The following C1orf21 variants were observed in gnomAD, a reference collection of about 807,000 sequenced individuals.
The protein encoded by C1orf21 is uncharacterized protein C1orf21.
C1orf21 carries 3 observed loss-of-function variants against 18.7 expected under a neutral mutation model. The ratio of observed to expected loss-of-function variants is 0.16; its 90% CI spans 0.07 to 0.42. C1orf21 has a LOEUF of 0.42. Among genes scored for constraint, C1orf21 ranks in the 10% least tolerant of loss-of-function variants. C1orf21 has a pLI of 0.99. For missense variants in C1orf21, 104 were observed against 143.6 expected (o/e 0.72, Z 1.41); for synonymous variants, 41 against 46.4 (o/e 0.88, Z 0.47).
intron 3 of C1orf21, among the ~76,000 whole-genome samples, chr1:184,577,476 A>C (rs554933090): frequency 6.6e-6 from 1 of 152,292 alleles, no homozygotes; most frequent in East Asian, 1.9e-4. Context: ...TTAAAGCAGC[A>C]GTAGGAAAAT....
chr1:184,480,277 A>G (rs75354939), intron 2 of C1orf21, among the ~76,000 whole-genome samples: 7,031 of 152,314 alleles, frequency 0.046, 265 homozygotes, highest in Non-Finnish European at 0.069. Flanking sequence ...CAAGAATAAT[A>G]AATATTCTAA....
intron 5 of C1orf21, among the ~76,000 whole-genome samples, chr1:184,607,405 A>G (rs1445781632): frequency 6.6e-6 from 1 of 152,206 alleles, no homozygotes; most frequent in Non-Finnish European, 1.5e-5. Flanking sequence ...ATAATATATA[A>G]AGAAGTAATA....
intron 1 of C1orf21, among the ~76,000 whole-genome samples, chr1:184,471,367 A>C (rs920956847): frequency 6.6e-6 from 1 of 152,188 alleles, no homozygotes; most frequent in African/African-American, 2.4e-5. Context: ...GAAAATTTTG[A>C]GGTTTCAGAC....
chr1:184,391,779 C>G (rs1655974174), intron 1 of C1orf21, among the ~76,000 whole-genome samples: 1 of 151,820 alleles, frequency 6.6e-6, no homozygotes, highest in Non-Finnish European at 1.5e-5. Flanking sequence ...GTGGTGCAAT[C>G]TCACTGCAAT....
At chr1:184,455,713 C>T (rs1161639671) in intron 1 of C1orf21, among the ~76,000 whole-genome samples, 3 of 152,176 alleles carry the variant, frequency 2.0e-5, no homozygotes, top group Non-Finnish European at 4.4e-5. Context: ...TCTAGAATGG[C>T]TCCTGGCACT....
At chr1:184,603,546 A>G (rs1004262160) in intron 5 of C1orf21, among the ~76,000 whole-genome samples, 4 of 152,198 alleles carry the variant, frequency 2.6e-5, no homozygotes, top group African/African-American at 4.8e-5. Context: ...TATAATCCCA[A>G]CACTTTGGGA....
At chr1:184,474,210 A>T (rs1657536908) in intron 1 of C1orf21, among the ~76,000 whole-genome samples, 2 of 152,222 alleles carry the variant, frequency 1.3e-5, no homozygotes, top group South Asian at 2.1e-4. Context: ...ATAATGTAGC[A>T]CATATGTTTC....
chr1:184,508,758 T>C (rs999466355), intron 3 of C1orf21, among the ~76,000 whole-genome samples: 2 of 152,120 alleles, frequency 1.3e-5, no homozygotes, highest in Non-Finnish European at 2.9e-5. Flanking sequence ...GATAATGAAG[T>C]TTTGCTTCAT....
At chr1:184,416,395 A>ATTAAT (rs142576867) in intron 1 of C1orf21, among the ~76,000 whole-genome samples, 26 of 152,248 alleles carry the variant, frequency 1.7e-4, no homozygotes, top group Middle Eastern at 3.4e-3. Flanking sequence ...GACAGAAATC[A>ATTAAT]TTAATTTAAT....
intron 2 of C1orf21, among the ~76,000 whole-genome samples, chr1:184,479,079 A>G (rs1226611599): frequency 1.3e-5 from 2 of 152,342 alleles, no homozygotes; most frequent in East Asian, 3.9e-4. Flanking sequence ...AAACTGTTGC[A>G]TTTTGTTCCA....
intron 2 of C1orf21, among the ~76,000 whole-genome samples, chr1:184,483,122 A>G (rs1485488983): frequency 6.6e-6 from 1 of 152,226 alleles, no homozygotes; most frequent in Non-Finnish European, 1.5e-5. Flanking sequence ...TTCAGAGGTC[A>G]GATCCACTTC....
Position 184,620,632 on chromosome 1 carries a change from C to G in C1orf21, c.*1076C>G, listed in dbSNP as rs1659902102. ...TTGCCACTTCCTTTTTCTCTTACTTCCAGCACACTAGACATAGCAAAAGTG... is the reference window on the plus strand; with the variant it reads ...TTGCCACTTCCTTTTTCTCTTACTTGCAGCACACTAGACATAGCAAAAGTG... On this transcript the variant is annotated 3_prime_UTR_variant, in exon 6 of 6. Coordinates refer to ENST00000235307, the MANE Select transcript of C1orf21 (RefSeq NM_030806.4). 1 of 152,598 alleles carries G rather than the reference C, an allele frequency of 6.6e-6. No homozygotes were observed. Among genetic ancestry groups the G allele is most frequent in the Non-Finnish European group, 1.5e-5 (1 of 68,026 alleles). The allele number at this position is 152,598 out of a possible 1,614,324, so 9.5% of individuals were successfully genotyped here.
chr1:184,423,215 G>A lies in C1orf21; in HGVS notation c.-125+35847G>A, dbSNP rs189731926. Among the ~76,000 whole-genome samples, 116 of 152,288 alleles carry A rather than the reference G, an allele frequency of 7.6e-4. 1 individual carries two copies. Among genetic ancestry groups the A allele is most frequent in the African/African-American group, 2.6e-3 (110 of 41,570 alleles). ...TCAGGTACTCTGCTACTTGTTGGAG[G>A]TGCAGAAATAAAGATTCCTTCCTCA... is the stretch of plus-strand genomic sequence containing the variant. On this transcript the variant is annotated intron_variant, in intron 1 of 5. Coordinates refer to ENST00000235307, the MANE Select transcript of C1orf21 (RefSeq NM_030806.4).
chr1:184,505,561 G>A (rs1571390022), intron 2 of C1orf21, among the ~76,000 whole-genome samples: 1 of 151,432 alleles, frequency 6.6e-6, no homozygotes, highest in Non-Finnish European at 1.5e-5. Context: ...TCAGGAGTTC[G>A]AGACCACCCT....
chr1:184,389,900 G>A (rs1655944669), intron 1 of C1orf21, among the ~76,000 whole-genome samples: 1 of 152,220 alleles, frequency 6.6e-6, no homozygotes, highest in African/African-American at 2.4e-5. Context: ...AAATATGACT[G>A]TCTTCATTTG....
At chr1:184,451,696 A>G (rs1449840109) in intron 1 of C1orf21, among the ~76,000 whole-genome samples, 1 of 152,114 alleles carries the variant, frequency 6.6e-6, no homozygotes, top group Non-Finnish European at 1.5e-5. Context: ...CGTTTCTCTA[A>G]AGACTTAGGC....
chr1:184,446,980 TTTTCCATAA>T (rs1392146400), intron 1 of C1orf21, among the ~76,000 whole-genome samples: 1 of 151,904 alleles, frequency 6.6e-6, no homozygotes, highest in Non-Finnish European at 1.5e-5. Context: ...TATGTTGAAA[TTTTCCATAA>T]GAAAATATTA....
At chr1:184,389,446 T>A (rs1655936804) in intron 1 of C1orf21, among the ~76,000 whole-genome samples, 1 of 152,256 alleles carries the variant, frequency 6.6e-6, no homozygotes, top group African/African-American at 2.4e-5. Flanking sequence ...TTTTGTTTTC[T>A]TGGCTAGACA....
At chr1:184,489,481 G>A (rs150267436) in intron 2 of C1orf21, among the ~76,000 whole-genome samples, 154 of 152,254 alleles carry the variant, frequency 1.0e-3, no homozygotes, top group Non-Finnish European at 1.7e-3. Flanking sequence ...GAATGTCAAC[G>A]CAGAACAATT....
Sources: gnomAD v4.1 joint callset for allele counts (sites outside exome capture counted in the v4.1 genomes callset) on GRCh38, gnomAD v4.1.1 for gene constraint, MANE v1.5 for transcripts, NCBI Gene and HGNC (gene_info 2026-07-23, HGNC 2026-07-21) for gene names.